NETO1: variants seen among roughly 807,000 people sequenced by gnomAD.
NETO1 encodes neuropilin and tolloid-like protein 1.
Under a neutral mutation model 61.3 loss-of-function variants are expected in NETO1, and 26 were observed. That is an observed-to-expected ratio of 0.42 (90% confidence interval 0.31 to 0.59). The LOEUF is 0.59. Ranked by LOEUF, NETO1 falls within the 20% of genes least tolerant of loss-of-function variation. The probability of loss-of-function intolerance (pLI) is 0.12; values close to 1 mark genes in which losing one functional copy is unlikely to be tolerated. For missense variants in NETO1, 531 were observed against 662.8 expected (o/e 0.80, Z 2.18); for synonymous variants, 225 against 225.8 (o/e 1.00, Z 0.03).
rs1204005047 is a variant in NETO1 at position 72,830,237 on chromosome 18, C to T, written c.469+28589G>A. Among the ~76,000 whole-genome samples, 1 of 152,148 alleles carries T rather than the reference C, an allele frequency of 6.6e-6. No individual in the cohort carries two copies. The highest frequency in any genetic ancestry group is 1.5e-5 in the Non-Finnish European group (1 of 68,022). On this transcript the variant is annotated intron_variant, in intron 4 of 10. Coordinates refer to ENST00000327305, the MANE Select transcript of NETO1 (RefSeq NM_138966.5). This position sits in a 1 kb window ranked among gnomAD's most constrained non-coding sequence, Gnocchi z 4.9. Reference sequence around the variant, plus strand: ...CAGCCCTCCCAAGAGACGGGAACAGCAGTGCTATCTTGGTGCCGGCTTGCG... The same window carrying T: ...CAGCCCTCCCAAGAGACGGGAACAGTAGTGCTATCTTGGTGCCGGCTTGCG...
At chr18:72,804,534 A>T (rs375233782) in intron 4 of NETO1, among the ~76,000 whole-genome samples, 91 of 152,340 alleles carry the variant, frequency 6.0e-4, no homozygotes, top group African/African-American at 2.2e-3. Context: ...TTGATCTAAG[A>T]CCTAAACAGC....
chr18:72,854,074 G>A lies in NETO1; in HGVS notation c.469+4752C>T, dbSNP rs757933501. On this transcript the variant is annotated intron_variant, in intron 4 of 10. Transcript: ENST00000327305. Reference sequence around the variant, plus strand: ...TTTCATTTAATATGCATAGAAATCCGTTTAAAACACTCCATTTAAATCACT... The same window carrying A: ...TTTCATTTAATATGCATAGAAATCCATTTAAAACACTCCATTTAAATCACT... Among the ~76,000 whole-genome samples the A allele has an allele frequency of 1.1e-4, 16 of 152,072 alleles. No homozygotes were observed. The East Asian group carries it at 1.7e-3, about 17-fold the overall frequency.
rs12457681 is a variant in NETO1, at chr18:72,772,825, C to A, written c.868+10853G>T. Among the ~76,000 whole-genome samples the A allele has an allele frequency of 1.4e-3, 59 of 40,722 alleles. 1 individual carries two copies. The highest frequency in any genetic ancestry group is 1.7e-3 in the African/African-American group (16 of 9,200). The allele number at this position is 40,722 out of a possible 152,430, so 26.7% of individuals were successfully genotyped here. On this transcript the variant is annotated intron_variant, in intron 7 of 10. Coordinates refer to ENST00000327305, the MANE Select transcript of NETO1 (RefSeq NM_138966.5). Reference sequence around the variant, plus strand: ...TCTCTCTCTCTCTCTCTCTCTCTCTCTATATATATATATATATATATATAT... The same window carrying A: ...TCTCTCTCTCTCTCTCTCTCTCTCTATATATATATATATATATATATATAT...
intron 4 of NETO1, among the ~76,000 whole-genome samples, chr18:72,826,164 T>C (rs1247402524): frequency 2.0e-5 from 3 of 152,302 alleles, no homozygotes; most frequent in East Asian, 1.9e-4. Flanking sequence ...TTAATTAATA[T>C]ATTTTAAGGG....
chr18:72,861,258 C>T (rs1275902389), intron 3 of NETO1, among the ~76,000 whole-genome samples: 1 of 152,158 alleles, frequency 6.6e-6, no homozygotes, highest in African/African-American at 2.4e-5. Flanking sequence ...TTCTTTTGGT[C>T]CAGCATGTTG....
chr18:72,753,469 T>C (rs549513405), intron 8 of NETO1, among the ~76,000 whole-genome samples: 1 of 152,230 alleles, frequency 6.6e-6, no homozygotes, highest in Non-Finnish European at 1.5e-5. Flanking sequence ...CCTTCACAAA[T>C]GAAAGACATT....
intron 7 of NETO1, among the ~76,000 whole-genome samples, chr18:72,778,274 T>C (rs1014228065): frequency 3.3e-5 from 5 of 152,192 alleles, no homozygotes; most frequent in African/African-American, 1.2e-4. Flanking sequence ...TTCCACCGAG[T>C]TGGCCAATCC....
intron 7 of NETO1, among the ~76,000 whole-genome samples, chr18:72,781,524 C>T (rs2071740122): frequency 6.6e-6 from 1 of 152,136 alleles, no homozygotes; most frequent in African/African-American, 2.4e-5. Flanking sequence ...CTGTTTTAAT[C>T]TGACATAAAG....
chr18:72,800,946 G>A (rs1323217082), intron 4 of NETO1, among the ~76,000 whole-genome samples: 1 of 152,170 alleles, frequency 6.6e-6, no homozygotes, highest in East Asian at 1.9e-4. Context: ...CTCTATTAGA[G>A]AGCAGCCTCA....
chr18:72,778,361 T>C (rs1034352390), intron 7 of NETO1, among the ~76,000 whole-genome samples: 1 of 152,250 alleles, frequency 6.6e-6, no homozygotes, highest in African/African-American at 2.4e-5. Flanking sequence ...TTCTTTACAA[T>C]ATGAATAGGC....
intron 4 of NETO1, among the ~76,000 whole-genome samples, chr18:72,852,146 CTCT>C (rs1200320167): frequency 2.0e-5 from 3 of 152,194 alleles, no homozygotes; most frequent in African/African-American, 7.2e-5. Flanking sequence ...CACTTAAGTA[CTCT>C]TCTTTTCTCC....
intron 4 of NETO1, among the ~76,000 whole-genome samples, chr18:72,806,214 A>G (rs1372977733): frequency 2.0e-5 from 3 of 152,188 alleles, no homozygotes; most frequent in East Asian, 1.9e-4. Context: ...TTAACATTCA[A>G]TGACCAATCA....
chr18:72,818,278 G>A (rs531598048), intron 4 of NETO1, among the ~76,000 whole-genome samples: 22 of 152,278 alleles, frequency 1.4e-4, no homozygotes, highest in South Asian at 2.1e-4. Context: ...ACATTTGCAA[G>A]TGGAAATGTT....
intron 7 of NETO1, among the ~76,000 whole-genome samples, chr18:72,782,222 A>G (rs1338916825): frequency 2.0e-5 from 3 of 152,176 alleles, no homozygotes; most frequent in East Asian, 1.9e-4. Context: ...ATATATATGT[A>G]CCACATTTTC....
chr18:72,745,788 G>C lies in NETO1; in HGVS notation c.*2391C>G, dbSNP rs2070418642. 1 of 152,232 alleles carries C rather than the reference G, an allele frequency of 6.6e-6. No individual in the cohort carries two copies. The highest frequency in any genetic ancestry group is 2.1e-4 in the South Asian group (1 of 4,828). 9.4% of individuals were successfully genotyped at this position (152,232 alleles called of 1,614,324 possible). On this transcript the variant is annotated 3_prime_UTR_variant, in exon 11 of 11. Coordinates refer to ENST00000327305, the MANE Select transcript of NETO1 (RefSeq NM_138966.5). ...CTGCACTCCCAAGTTTGAGCATCTA[G>C]AGTGAATGCCAGGAGAAAAGGCTAC...
At position 72,812,993 on chromosome 18, in the gene NETO1, A is replaced by G. The variant is rs986236554; in HGVS notation, c.470-18589T>C. ...TACTTTTATAATAATTGTTTTTAGG[A>G]CCTCAGATGTCTAACCAAGGCTGGG... On this transcript the variant is annotated intron_variant, in intron 4 of 10. Coordinates refer to ENST00000327305, the MANE Select transcript of NETO1 (RefSeq NM_138966.5). Among the ~76,000 whole-genome samples the G allele has an allele frequency of 2.0e-5, 3 of 152,160 alleles. No homozygotes were observed. The South Asian group carries it at 6.2e-4, about 32-fold the overall frequency.
chr18:72,846,287 G>T (rs62103374), intron 4 of NETO1, among the ~76,000 whole-genome samples: 24,572 of 151,270 alleles, frequency 0.16, 2,666 homozygotes, highest in Middle Eastern at 0.27. Flanking sequence ...GGTGGATCAC[G>T]AGGTCAGGAG....
At chr18:72,777,653 G>C (rs188731981) in intron 7 of NETO1, among the ~76,000 whole-genome samples, 344 of 151,928 alleles carry the variant, frequency 2.3e-3, no homozygotes, top group Non-Finnish European at 4.1e-3. Flanking sequence ...TGAGGCAGGA[G>C]AATGGCGTGA....
At chr18:72,808,843 A>G (rs2072769515) in intron 4 of NETO1, among the ~76,000 whole-genome samples, 1 of 152,200 alleles carries the variant, frequency 6.6e-6, no homozygotes, top group African/African-American at 2.4e-5. Flanking sequence ...TTTTCATGCC[A>G]GGCAGCAGTG....
Sources: gnomAD v4.1 joint callset for allele counts (sites outside exome capture counted in the v4.1 genomes callset) on GRCh38, gnomAD v4.1.1 for gene constraint, Gnocchi (gnomAD v3.1) non-coding constraint, MANE v1.5 for transcripts, NCBI Gene and HGNC (gene_info 2026-07-23, HGNC 2026-07-21) for gene names.